LNX1: variants seen among roughly 807,000 people sequenced by gnomAD.
The protein encoded by LNX1 is E3 ubiquitin-protein ligase LNX.
LNX1 carries 54 observed loss-of-function variants against 68.4 expected under a neutral mutation model. The ratio of observed to expected loss-of-function variants is 0.79; its 90% CI spans 0.63 to 0.99. LNX1 has a LOEUF of 0.99. Among genes scored for constraint, LNX1 ranks in the 50% least tolerant of loss-of-function variants. LNX1 has a pLI of 0.00. For missense variants in LNX1, 906 were observed against 926.4 expected, an observed-to-expected ratio of 0.98 and a Z score of 0.29; for synonymous variants, 336 against 350.0, an observed-to-expected ratio of 0.96 and a Z score of 0.45.
At chr4:53,528,096 C>T (rs919039707) in intron 2 of LNX1, among the ~76,000 whole-genome samples, 9 of 152,172 alleles carry the variant, frequency 5.9e-5, no homozygotes, top group African/African-American at 1.2e-4. Flanking sequence ...TGTAATAACA[C>T]GTGCAGGTTG....
intron 1 of LNX1, chr4:53,616,606 T>C (rs1271832183): frequency 6.6e-6 from 1 of 152,202 alleles, no homozygotes; most frequent in Admixed American, 6.5e-5. Context: ...AGAATATCTT[T>C]CCAGTTGTTG....
upstream of LNX1, among the ~76,000 whole-genome samples, chr4:53,617,760 A>T (rs1733733256): frequency 6.6e-6 from 1 of 152,222 alleles, no homozygotes; most frequent in Admixed American, 6.5e-5. Flanking sequence ...GTTATTGACT[A>T]AACCTGTAAC....
chr4:53,539,659 A>T (rs1728616831), intron 2 of LNX1, among the ~76,000 whole-genome samples: 1 of 152,228 alleles, frequency 6.6e-6, no homozygotes. Context: ...GTTGCAGAAA[A>T]TGTTTTTGTT....
intron 2 of LNX1, among the ~76,000 whole-genome samples, chr4:53,549,036 G>T (rs1219847693): frequency 1.3e-5 from 2 of 152,104 alleles, no homozygotes; most frequent in Non-Finnish European, 2.9e-5. Context: ...GGTAGGAGGA[G>T]GGAGAGGAAC....
rs769306139 is a variant in LNX1 at position 53,507,508 on chromosome 4, A to C, written c.623-39T>G. 8 of 1,592,566 alleles carry C rather than the reference A, an allele frequency of 5.0e-6. No individual in the cohort carries two copies. In the Admixed American group the frequency reaches 1.3e-4, roughly 27 times the overall value. On this transcript the variant is annotated intron_variant, in intron 3 of 10. Coordinates refer to ENST00000263925, the MANE Select transcript of LNX1 (RefSeq NM_001126328.3). ...ACAGGAGGAACAGTAGTTATGATTT[A>C]ATAGAAATAATCATTTATGTACATA...
chr4:53,543,711 T>C (rs973489012), intron 2 of LNX1, among the ~76,000 whole-genome samples: 3 of 152,092 alleles, frequency 2.0e-5, no homozygotes, highest in Non-Finnish European at 2.9e-5. Flanking sequence ...GGTAAACAAA[T>C]GTTAAGAATT....
At chr4:53,508,504 G>A (rs753068531) in intron 2 of LNX1, 8 of 396,454 alleles carry the variant, frequency 2.0e-5, no homozygotes, top group Non-Finnish European at 3.7e-5. Flanking sequence ...ATTTATTCAG[G>A]TCACCATGGT....
chr4:53,580,008 T>C (rs1205879789), intron 1 of LNX1, among the ~76,000 whole-genome samples: 3 of 152,224 alleles, frequency 2.0e-5, no homozygotes, highest in African/African-American at 7.2e-5. Context: ...TATAGTCACA[T>C]GGCGGTGTGT....
chr4:53,650,295 G>A lies in LNX1; in HGVS notation c.-215+1873C>T, dbSNP rs79542175. 6.5e-3 allele frequency among the ~76,000 whole-genome samples: 984 copies of A among 152,316 alleles called. 4 individuals carry two copies. The highest frequency in any genetic ancestry group is 0.022 in the African/African-American group (929 of 41,570). ...TGCGGGGTGTGGAGGACATACGGTA[G>A]CTCCAGAATTCCAGGAGCCAGCTCA... On this transcript the variant is annotated intron_variant, in intron 1 of 2. Coordinates refer to the LNX1 transcript ENST00000507168.
chr4:53,465,991 CTT>C (rs572301930), intron 9 of LNX1, among the ~76,000 whole-genome samples: 120 of 152,230 alleles, frequency 7.9e-4, no homozygotes, highest in African/African-American at 2.8e-3. Context: ...ATTAAATACT[CTT>C]TCAAAAAATT....
At position 53,641,565 on chromosome 4, in the gene LNX1, T is replaced by A. The variant is rs115741120; in HGVS notation, c.-215+10603A>T. Reference sequence around the variant, plus strand: ...CACAATACCCAGGGGTTCAACCTAATGCACATATTTAATTTTGTGCATCTG... The same window carrying A: ...CACAATACCCAGGGGTTCAACCTAAAGCACATATTTAATTTTGTGCATCTG... On this transcript the variant is annotated intron_variant, in intron 1 of 2. Transcript: ENST00000507168. 6.5e-3 allele frequency among the ~76,000 whole-genome samples: 993 copies of A among 152,316 alleles called. 4 individuals are homozygous for A. Among genetic ancestry groups the A allele is most frequent in the African/African-American group, 0.022 (931 of 41,560 alleles).
chr4:53,465,995 C>G (rs1722649516), intron 9 of LNX1, among the ~76,000 whole-genome samples: 1 of 152,060 alleles, frequency 6.6e-6, no homozygotes, highest in Admixed American at 6.6e-5. Context: ...AATACTCTTT[C>G]AAAAAATTAT....
intron 2 of LNX1, among the ~76,000 whole-genome samples, chr4:53,572,042 A>G (rs1434707866): frequency 6.6e-6 from 1 of 152,172 alleles, no homozygotes; most frequent in Non-Finnish European, 1.5e-5. Context: ...GCACAAATGT[A>G]TAATTGCAAC....
chr4:53,604,748 T>C (rs928441331), intron 2 of LNX1, among the ~76,000 whole-genome samples: 4 of 152,182 alleles, frequency 2.6e-5, no homozygotes, highest in Admixed American at 6.5e-5. Context: ...AACTAGAAGG[T>C]ATATTTCTAA....
At chr4:53,574,816 T>G (rs2109782845) in intron 1 of LNX1, among the ~76,000 whole-genome samples, 1 of 152,320 alleles carries the variant, frequency 6.6e-6, no homozygotes, top group East Asian at 1.9e-4. Context: ...AGCTCTTAGA[T>G]TTGCATCTAC....
chr4:53,515,515 C>T (rs1049020925), intron 2 of LNX1, among the ~76,000 whole-genome samples: 2 of 137,570 alleles, frequency 1.5e-5, no homozygotes, highest in Non-Finnish European at 3.2e-5. Context: ...AGGCCCCCAC[C>T]CCACCAAAAA....
At chr4:53,489,641 T>C (rs1724550774) in intron 6 of LNX1, among the ~76,000 whole-genome samples, 1 of 152,164 alleles carries the variant, frequency 6.6e-6, no homozygotes, top group African/African-American at 2.4e-5. Flanking sequence ...ATTTGCAGTG[T>C]GTAGCTGCAC....
At chr4:53,484,602 C>T (rs1232751744) in intron 6 of LNX1, among the ~76,000 whole-genome samples, 1 of 151,954 alleles carries the variant, frequency 6.6e-6, no homozygotes, top group East Asian at 1.9e-4. Flanking sequence ...AACCATCCAC[C>T]AATGAAACAA....
intron 4 of LNX1, chr4:53,500,352 C>T (rs1301073926): frequency 2.0e-5 from 3 of 151,968 alleles, no homozygotes; most frequent in Non-Finnish European, 2.9e-5. Flanking sequence ...GAAAAAGGGG[C>T]TCCTCCAAGC....
Sources: allele counts gnomAD v4.1 joint callset (sites outside exome capture counted in the v4.1 genomes callset), GRCh38; gene constraint gnomAD v4.1.1; transcripts MANE v1.5; gene names NCBI Gene and HGNC (gene_info 2026-07-23, HGNC 2026-07-21).